Variants in NTN1 observed in about 807,000 individuals in gnomAD.
NTN1 encodes the protein netrin-1.
Under a neutral mutation model 54.2 loss-of-function variants are expected in NTN1, and 11 were observed. That is an observed-to-expected ratio of 0.20 (90% confidence interval 0.13 to 0.34). The LOEUF (loss-of-function observed/expected upper bound fraction) is 0.34. NTN1 is among the 10% of genes least tolerant of loss of function. The pLI is 1.00. For missense variants in NTN1, 740 were observed against 893.1 expected, an observed-to-expected ratio of 0.83 and a Z score of 2.18; for synonymous variants, 371 against 382.0, an observed-to-expected ratio of 0.97 and a Z score of 0.33.
chr17:9,030,169 T>C (rs1310353969), intron 2 of NTN1, among the ~76,000 whole-genome samples: 1 of 152,112 alleles, frequency 6.6e-6, no homozygotes, highest in African/African-American at 2.4e-5. Context: ...CAGACCCTTT[T>C]CTTTTTCTCC....
intron 2 of NTN1, among the ~76,000 whole-genome samples, chr17:9,057,400 G>A (rs1413294870): frequency 6.6e-6 from 1 of 152,104 alleles, no homozygotes; most frequent in East Asian, 1.9e-4. Flanking sequence ...TGTGACCCCT[G>A]AGTCTGTTTC....
At chr17:9,087,655 C>G (rs1426534084) in intron 2 of NTN1, among the ~76,000 whole-genome samples, 1 of 152,192 alleles carries the variant, frequency 6.6e-6, no homozygotes, top group Non-Finnish European at 1.5e-5. Context: ...AGAGCTCCCT[C>G]CAGGTGCTCT....
chr17:9,027,551 G>A (rs1031720981), intron 2 of NTN1, among the ~76,000 whole-genome samples: 1 of 152,144 alleles, frequency 6.6e-6, no homozygotes, highest in Non-Finnish European at 1.5e-5. Flanking sequence ...TGAATGAATG[G>A]CAGTGATATA....
chr17:9,108,642 G>T (rs1286479541), intron 2 of NTN1, among the ~76,000 whole-genome samples: 1 of 152,152 alleles, frequency 6.6e-6, no homozygotes, highest in Non-Finnish European at 1.5e-5. Context: ...CAGATGTGGG[G>T]TGGTATAGAA....
At chr17:9,046,040 AC>A (rs2091940323) in intron 2 of NTN1, among the ~76,000 whole-genome samples, 1 of 152,212 alleles carries the variant, frequency 6.6e-6, no homozygotes, top group African/African-American at 2.4e-5. Context: ...CAAAGAAAAA[AC>A]ATAAATTGGA....
chr17:9,046,073 G>T (rs939084600), intron 2 of NTN1, among the ~76,000 whole-genome samples: 1 of 152,194 alleles, frequency 6.6e-6, no homozygotes. Flanking sequence ...TTTAAAACTT[G>T]TGCTTCAAAG....
chr17:9,157,600 C>T (rs552270549), intron 2 of NTN1, among the ~76,000 whole-genome samples: 2 of 152,336 alleles, frequency 1.3e-5, no homozygotes, highest in African/African-American at 2.4e-5. Flanking sequence ...TCCTTACCCT[C>T]GTTATGCCCT....
At chr17:9,096,787 A>G (rs1485667103) in intron 2 of NTN1, among the ~76,000 whole-genome samples, 1 of 152,230 alleles carries the variant, frequency 6.6e-6, no homozygotes, top group East Asian at 1.9e-4. Flanking sequence ...AGTAGGGATG[A>G]TAATAGCAGG....
chr17:9,118,365 A>C (rs1003882451), intron 2 of NTN1, among the ~76,000 whole-genome samples: 4 of 152,142 alleles, frequency 2.6e-5, no homozygotes, highest in African/African-American at 9.7e-5. Flanking sequence ...AAAAATACAA[A>C]AAATTAACCG....
chr17:9,129,178 C>T (rs1309048296), intron 2 of NTN1, among the ~76,000 whole-genome samples: 1 of 152,156 alleles, frequency 6.6e-6, no homozygotes, highest in Non-Finnish European at 1.5e-5. Context: ...GAAAAACACT[C>T]AAGCCAGCGT....
intron 2 of NTN1, among the ~76,000 whole-genome samples, chr17:9,084,650 T>TC (rs1414532811): frequency 1.8e-4 from 25 of 139,064 alleles, no homozygotes; most frequent in Non-Finnish European, 1.7e-4. Context: ...TTGCAGTTTT[T>TC]TTTTTTTTTT....
At chr17:9,181,346 C>T (rs1209965786) in intron 4 of NTN1, among the ~76,000 whole-genome samples, 3 of 152,174 alleles carry the variant, frequency 2.0e-5, no homozygotes, top group Non-Finnish European at 2.9e-5. Flanking sequence ...GTGTGCATCC[C>T]AGAGCCAGGC....
intron 4 of NTN1, 77 bp downstream of exon 4, chr17:9,180,033 A>G (rs1395806883): frequency 1.3e-6 from 2 of 1,486,776 alleles, no homozygotes; most frequent in African/African-American, 2.8e-5. Context: ...CTAGTCACTG[A>G]TGTTCAGTGG....
At chr17:9,045,481 C>T (rs1438382771) in intron 2 of NTN1, among the ~76,000 whole-genome samples, 1 of 151,952 alleles carries the variant, frequency 6.6e-6, no homozygotes, top group African/African-American at 2.4e-5. Context: ...GGCGACCCAG[C>T]TTCACGCCTG....
At position 9,242,235 on chromosome 17, in the gene NTN1, G is replaced by A. The variant is rs1906238493; in HGVS notation, c.*2267G>A. The stretch of plus-strand genomic sequence containing the variant: ...GGAGAGACTGGCAGAGGTGCCTCAG[G>A]GGCAGGGAGCAGACAGACCTGCCCT... On this transcript the variant is annotated 3_prime_UTR_variant, in exon 7 of 7. Transcript: ENST00000173229. 6.6e-6 allele frequency: 1 copy of A among 152,374 alleles called. No individual in the cohort carries two copies. Among genetic ancestry groups the A allele is most frequent in the African/African-American group, 2.4e-5 (1 of 41,468 alleles). The allele number at this position is 152,374 out of a possible 1,614,324, so 9.4% of individuals were successfully genotyped here. A position where few individuals can be genotyped will look rare whatever the true frequency, so the allele number is the denominator to read the frequency against.
At chr17:9,072,509 T>C (rs1346674248) in intron 2 of NTN1, among the ~76,000 whole-genome samples, 1 of 152,084 alleles carries the variant, frequency 6.6e-6, no homozygotes, top group Non-Finnish European at 1.5e-5. Flanking sequence ...GATGTGGAGG[T>C]GAAGCCCTTC....
intron 5 of NTN1, among the ~76,000 whole-genome samples, chr17:9,199,386 C>T (rs1271966287): frequency 6.6e-6 from 1 of 152,222 alleles, no homozygotes; most frequent in South Asian, 2.1e-4. Flanking sequence ...AAATGATCCA[C>T]CCACCTCAGC....
intron 2 of NTN1, among the ~76,000 whole-genome samples, chr17:9,131,518 C>T (rs1391357899): frequency 6.6e-6 from 1 of 151,694 alleles, no homozygotes; most frequent in African/African-American, 2.4e-5. Context: ...CTAGCCTCTG[C>T]CCTGCTTGAG....
intron 5 of NTN1, among the ~76,000 whole-genome samples, chr17:9,188,700 C>T (rs1287405691): frequency 6.6e-6 from 1 of 152,130 alleles, no homozygotes; most frequent in Non-Finnish European, 1.5e-5. Flanking sequence ...TGTATGGCTT[C>T]GAGTTCTGGC....
Sources: gnomAD v4.1 joint callset for allele counts (sites outside exome capture counted in the v4.1 genomes callset) on GRCh38, gnomAD v4.1.1 for gene constraint, MANE v1.5 for transcripts, NCBI Gene and HGNC (gene_info 2026-07-23, HGNC 2026-07-21) for gene names.